The following USH2A variants were observed in gnomAD, a reference collection of about 807,000 sequenced individuals.
USH2A encodes Usher syndrome 2A (autosomal recessive, mild).
USH2A carries 443 observed loss-of-function variants against 538.9 expected under a neutral mutation model. The ratio of observed to expected loss-of-function variants is 0.82; its 90% confidence interval spans 0.76 to 0.89. USH2A has a LOEUF of 0.89. Ranked by LOEUF, USH2A falls within the 40% of genes least tolerant of loss-of-function variation. The probability of loss-of-function intolerance (pLI) is 0.00; values close to 1 mark genes in which losing one functional copy is unlikely to be tolerated. For missense variants in USH2A, 6,633 were observed against 6,324.8 expected, an observed-to-expected ratio of 1.05 and a Z score of -1.65; for synonymous variants, 2,413 against 2,273.5, an observed-to-expected ratio of 1.06 and a Z score of -1.75.
chr1:215,847,740 T>C (rs1270637991), intron 44 of USH2A, among the ~76,000 whole-genome samples: 1 of 152,130 alleles, frequency 6.6e-6, no homozygotes, highest in African/African-American at 2.4e-5. Context: ...AAGTCCAATT[T>C]CACTTATATG....
At chr1:216,145,840 C>T (rs2033688436) in intron 21 of USH2A, among the ~76,000 whole-genome samples, 1 of 152,068 alleles carries the variant, frequency 6.6e-6, no homozygotes, top group Non-Finnish European at 1.5e-5. Context: ...CCCCACTGAG[C>T]ACCTTGCAAC....
At chr1:216,072,314 T>C (rs1392874645) in intron 29 of USH2A, among the ~76,000 whole-genome samples, 2 of 152,234 alleles carry the variant, frequency 1.3e-5, no homozygotes, top group Non-Finnish European at 2.9e-5. Flanking sequence ...TTAGGTCTAA[T>C]GTATACTGTC....
rs149481255 is a variant in USH2A, at chr1:215,670,903, C to G, written c.14133+69G>C. On this transcript the variant is annotated intron_variant, in intron 64 of 71. Coordinates refer to ENST00000307340, the MANE Select transcript of USH2A (RefSeq NM_206933.4). Reference sequence around the variant, plus strand: ...TTAAGTGCCTTTTCAAATTGTGCACCATTTTTACAGGCAGGTGCTGACGGG... The same window carrying G: ...TTAAGTGCCTTTTCAAATTGTGCACGATTTTTACAGGCAGGTGCTGACGGG... The G allele has an allele frequency of 2.1e-5, 31 of 1,503,784 alleles. No individual in the cohort carries two copies. In the East Asian group the frequency reaches 7.0e-4, roughly 34 times the overall value. 93.2% of individuals were successfully genotyped at this position (1,503,784 alleles called of 1,614,324 possible). A position where few individuals can be genotyped will look rare whatever the true frequency, so the allele number is the denominator to read the frequency against.
At chr1:215,911,928 C>A (rs1417709466) in intron 38 of USH2A, among the ~76,000 whole-genome samples, 2 of 152,006 alleles carry the variant, frequency 1.3e-5, no homozygotes, top group Non-Finnish European at 2.9e-5. Flanking sequence ...GATGAAATCT[C>A]ATTATAGTTT....
intron 14 of USH2A, among the ~76,000 whole-genome samples, chr1:216,224,090 C>T (rs929659349): frequency 4.6e-5 from 7 of 152,114 alleles, no homozygotes; most frequent in Non-Finnish European, 7.4e-5. Context: ...CCACTAACTC[C>T]TTAAGGCTTA....
At chr1:215,880,446 T>TA (rs1261393832) in intron 41 of USH2A, among the ~76,000 whole-genome samples, 2 of 152,160 alleles carry the variant, frequency 1.3e-5, no homozygotes, top group Non-Finnish European at 2.9e-5. Flanking sequence ...TTGTGAATCT[T>TA]AAAAAAACTT....
rs540805180 is a variant in USH2A, at chr1:215,722,661, G to T, written c.12066+5369C>A. On this transcript the variant is annotated intron_variant, in intron 61 of 71. Transcript: ENST00000307340. Reference sequence around the variant, plus strand: ...TCTAGAAACTAGAGTTAGTAATTCTGGATTTTATTCCCAGATTGGAAGCCA... The same window carrying T: ...TCTAGAAACTAGAGTTAGTAATTCTTGATTTTATTCCCAGATTGGAAGCCA... Among the ~76,000 whole-genome samples the T allele has an allele frequency of 3.3e-5, 5 of 152,218 alleles. No homozygotes were observed. In the East Asian group the frequency reaches 9.7e-4, roughly 29 times the overall value.
Position 216,332,941 on chromosome 1 carries a change from C to A in USH2A, c.785-5287G>T, listed in dbSNP as rs553297733. Among the ~76,000 whole-genome samples, 3 of 152,132 alleles carry A rather than the reference C, an allele frequency of 2.0e-5. No individual in the cohort carries two copies. In the South Asian group the frequency reaches 6.2e-4, roughly 32 times the overall value. On this transcript the variant is annotated intron_variant, in intron 4 of 71. Transcript: ENST00000307340. ...AAAGAATATGGCATATGCAAAGAAA[C>A]TCCTACAAACAATATACAGGGGAAG...
At chr1:215,743,428 A>ATGTGT (rs1660371912) in intron 58 of USH2A, 93 bp from the exon 59 acceptor site, 2 of 312,734 alleles carry the variant, frequency 6.4e-6, no homozygotes, top group Non-Finnish European at 1.0e-5. Context: ...ATATATATAT[A>ATGTGT]GACACACATA....
intron 44 of USH2A, among the ~76,000 whole-genome samples, chr1:215,857,944 C>T (rs1441773005): frequency 6.6e-6 from 1 of 152,140 alleles, no homozygotes; most frequent in Non-Finnish European, 1.5e-5. Flanking sequence ...CAAGGTTGCT[C>T]TGGTGTCCCC....
intron 2 of USH2A, 126 bp downstream of exon 2, chr1:216,421,726 G>A: frequency 2.1e-6 from 3 of 1,422,090 alleles, no homozygotes; most frequent in Non-Finnish European, 2.9e-6. Flanking sequence ...ACAACTGGAA[G>A]AGTTAGTCTT....
chr1:215,769,618 T>C (rs1395465448), intron 55 of USH2A, among the ~76,000 whole-genome samples: 6 of 152,058 alleles, frequency 3.9e-5, no homozygotes, highest in African/African-American at 1.2e-4. Flanking sequence ...AGGAGTTTGC[T>C]ACAGGTGTTT....
intron 30 of USH2A, among the ~76,000 whole-genome samples, chr1:216,059,854 G>A (rs1411825424): frequency 6.6e-6 from 1 of 152,160 alleles, no homozygotes; most frequent in Non-Finnish European, 1.5e-5. Flanking sequence ...GACAGAGTGG[G>A]AGGGGGCTGG....
At chr1:216,308,711 A>T (rs1272360068) in intron 9 of USH2A, among the ~76,000 whole-genome samples, 1 of 152,184 alleles carries the variant, frequency 6.6e-6, no homozygotes, top group East Asian at 1.9e-4. Flanking sequence ...GGTTCTATAA[A>T]ATTCTGCTTT....
chr1:215,715,051 TG>T (rs1571979408), intron 61 of USH2A, among the ~76,000 whole-genome samples: 1 of 152,218 alleles, frequency 6.6e-6, no homozygotes, highest in East Asian at 1.9e-4. Context: ...TAGGTAAACG[TG>T]TGCCATGGTG....
At position 215,964,713 on chromosome 1, in the gene USH2A, A is replaced by G. The variant is rs1313798482; in HGVS notation, c.7120+604T>C. 2.0e-5 allele frequency among the ~76,000 whole-genome samples: 3 copies of G among 152,192 alleles called. No homozygotes were observed. The East Asian group carries it at 5.8e-4, about 29-fold the overall frequency. ...ATTAAAATATATACCTGCTCTTTTT[A>G]TGGTAGAGTTTGCTTAAAATAAACA... On this transcript the variant is annotated intron_variant, in intron 37 of 71. Coordinates refer to ENST00000307340, the MANE Select transcript of USH2A (RefSeq NM_206933.4).
At chr1:216,374,977 C>A (rs1034354694) in intron 3 of USH2A, among the ~76,000 whole-genome samples, 2 of 152,082 alleles carry the variant, frequency 1.3e-5, no homozygotes, top group Non-Finnish European at 2.9e-5. Context: ...AGTGTTACTA[C>A]TCCCAGGCCC....
chr1:215,777,472 A>G (rs148968325), intron 55 of USH2A, among the ~76,000 whole-genome samples: 3 of 152,386 alleles, frequency 2.0e-5, no homozygotes, highest in Non-Finnish European at 4.4e-5. Context: ...AAATTTCTTT[A>G]GCCTTATATC....
chr1:215,992,874 C>G (rs1668034389), intron 35 of USH2A, 146 bp downstream of exon 35: 1 of 1,367,514 alleles, frequency 7.3e-7, no homozygotes, highest in Non-Finnish European at 1.0e-6. Flanking sequence ...ACAATCTCCC[C>G]AACTAGAGAC....
Sources: allele counts gnomAD v4.1 joint callset (sites outside exome capture counted in the v4.1 genomes callset), GRCh38; gene constraint gnomAD v4.1.1; transcripts MANE v1.5; gene names NCBI Gene and HGNC (gene_info 2026-07-23, HGNC 2026-07-21).